Variants in DLGAP1 observed in about 807,000 individuals in gnomAD.
The protein encoded by DLGAP1 is DLG associated protein 1.
DLGAP1 carries 11 observed loss-of-function variants against 90.8 expected under a neutral mutation model. The ratio of observed to expected loss-of-function variants is 0.12; its 90% CI spans 0.08 to 0.20. The LOEUF is 0.20. DLGAP1 is among the 10% of genes least tolerant of loss of function. DLGAP1 has a pLI of 1.00. For synonymous variants in DLGAP1, 558 were observed against 540.7 expected (o/e 1.03, Z -0.44); for missense variants, 1,050 against 1,333.8 (o/e 0.79, Z 3.31).
At chr18:3,536,861 G>A (rs1391804412) in intron 9 of DLGAP1, among the ~76,000 whole-genome samples, 3 of 152,126 alleles carry the variant, frequency 2.0e-5, no homozygotes, top group South Asian at 2.1e-4. Context: ...GGAGAGACAC[G>A]AGGAGAGAAG....
At chr18:4,228,655 C>G (rs1276089987) in intron 1 of DLGAP1, among the ~76,000 whole-genome samples, 1 of 151,736 alleles carries the variant, frequency 6.6e-6, no homozygotes, top group African/African-American at 2.4e-5. Context: ...GATAAAAACC[C>G]TAAAAAAACT....
intron 1 of DLGAP1, among the ~76,000 whole-genome samples, chr18:4,427,602 A>T (rs1346366384): frequency 6.6e-6 from 1 of 152,138 alleles, no homozygotes; most frequent in East Asian, 1.9e-4. Context: ...AGTAGAACGC[A>T]CTCAAAGACA....
intron 7 of DLGAP1, among the ~76,000 whole-genome samples, chr18:3,595,952 AG>A (rs2056551152): frequency 6.6e-6 from 1 of 152,212 alleles, no homozygotes; most frequent in South Asian, 2.1e-4. Flanking sequence ...TGTCCCAACC[AG>A]GTCTGCAGGT....
chr18:4,269,978 A>AT (rs1279333711), intron 1 of DLGAP1, among the ~76,000 whole-genome samples: 1 of 152,212 alleles, frequency 6.6e-6, no homozygotes, highest in Non-Finnish European at 1.5e-5. Context: ...TTAGCATGCT[A>AT]ATGATTGAAA....
intron 3 of DLGAP1, among the ~76,000 whole-genome samples, chr18:3,912,434 A>T (rs2072055834): frequency 1.3e-5 from 2 of 152,306 alleles, no homozygotes; most frequent in South Asian, 4.2e-4. Context: ...ACTATTACTT[A>T]TTATGAGCCT....
chr18:4,066,753 G>A (rs2075375648), intron 2 of DLGAP1, among the ~76,000 whole-genome samples: 1 of 152,092 alleles, frequency 6.6e-6, no homozygotes, highest in African/African-American at 2.4e-5. Context: ...TAGCCATTGT[G>A]GAGGACAGTG....
At chr18:3,793,251 G>A (rs952269254) in intron 5 of DLGAP1, among the ~76,000 whole-genome samples, 1 of 152,034 alleles carries the variant, frequency 6.6e-6, no homozygotes, top group Non-Finnish European at 1.5e-5. Flanking sequence ...TGTCTGATCC[G>A]TGAATGCACC....
intron 1 of DLGAP1, among the ~76,000 whole-genome samples, chr18:4,254,792 T>C (rs992410190): frequency 6.6e-6 from 1 of 152,200 alleles, no homozygotes; most frequent in African/African-American, 2.4e-5. Context: ...GCTTTGGAGT[T>C]CCCTTTGATT....
At chr18:4,308,203 A>T (rs1222014456) in intron 1 of DLGAP1, among the ~76,000 whole-genome samples, 1 of 151,642 alleles carries the variant, frequency 6.6e-6, no homozygotes, top group Non-Finnish European at 1.5e-5. Context: ...TGACCCAAAG[A>T]CTCTCTCCTG....
At chr18:3,690,632 G>A (rs113658251) in intron 7 of DLGAP1, among the ~76,000 whole-genome samples, 46 of 152,170 alleles carry the variant, frequency 3.0e-4, no homozygotes, top group African/African-American at 1.1e-3. Flanking sequence ...AGAGAAGAGA[G>A]TAATTTTTAA....
chr18:3,506,065 C>T (rs1018697653), intron 11 of DLGAP1, among the ~76,000 whole-genome samples: 7 of 150,998 alleles, frequency 4.6e-5, no homozygotes, highest in Middle Eastern at 3.5e-3. Flanking sequence ...GGTGAAACCC[C>T]GTCTCTACTA....
At chr18:4,285,984 T>C (rs2079680024) in intron 1 of DLGAP1, among the ~76,000 whole-genome samples, 1 of 152,156 alleles carries the variant, frequency 6.6e-6, no homozygotes, top group South Asian at 2.1e-4. Flanking sequence ...CCCGGACTGA[T>C]AGTAAAATTA....
chr18:4,050,016 G>A (rs1049887078), intron 2 of DLGAP1, among the ~76,000 whole-genome samples: 4 of 152,182 alleles, frequency 2.6e-5, no homozygotes, highest in African/African-American at 9.6e-5. Flanking sequence ...GCCAGCCTCT[G>A]TGCTTAGTGG....
chr18:3,742,133 C>T (rs1348223380), intron 6 of DLGAP1, among the ~76,000 whole-genome samples: 1 of 152,196 alleles, frequency 6.6e-6, no homozygotes, highest in East Asian at 1.9e-4. Flanking sequence ...GAGGGCCCCA[C>T]CTCCTGGCAG....
chr18:3,961,342 T>C (rs1231676833), intron 3 of DLGAP1, among the ~76,000 whole-genome samples: 1 of 152,172 alleles, frequency 6.6e-6, no homozygotes, highest in Admixed American at 6.5e-5. Flanking sequence ...AATTGCTATG[T>C]CTGGTTGGCT....
intron 2 of DLGAP1, among the ~76,000 whole-genome samples, chr18:4,121,725 C>A (rs1047228061): frequency 2.0e-5 from 3 of 152,140 alleles, no homozygotes; most frequent in African/African-American, 7.2e-5. Context: ...TACTGCAAGA[C>A]CCTGTTGCAG....
At chr18:4,071,680 C>T (rs1208827794) in intron 2 of DLGAP1, among the ~76,000 whole-genome samples, 1 of 152,144 alleles carries the variant, frequency 6.6e-6, no homozygotes, top group Non-Finnish European at 1.5e-5. Context: ...TCCCTTACTG[C>T]AAGAAAAGTT....
chr18:3,876,441 A>T (rs1026665176), intron 4 of DLGAP1, among the ~76,000 whole-genome samples: 2 of 152,212 alleles, frequency 1.3e-5, no homozygotes, highest in African/African-American at 4.8e-5. Flanking sequence ...AGCTTAATAC[A>T]TTCAATATCT....
intron 1 of DLGAP1, among the ~76,000 whole-genome samples, chr18:4,227,247 A>G (rs1312898853): frequency 1.3e-5 from 2 of 152,092 alleles, no homozygotes; most frequent in Non-Finnish European, 2.9e-5. Flanking sequence ...ACCCCTATAC[A>G]TTAATAGAAG....
Sources: allele counts gnomAD v4.1 joint callset (sites outside exome capture counted in the v4.1 genomes callset), GRCh38; gene constraint gnomAD v4.1.1; transcripts MANE v1.5; gene names NCBI Gene and HGNC (gene_info 2026-07-23, HGNC 2026-07-21).